SGSM1: variants seen among roughly 807,000 people sequenced by gnomAD.
SGSM1 encodes small G protein signaling modulator 1, also known as RUN and TBC1 domain containing 2.
SGSM1 carries 73 observed loss-of-function variants against 133.8 expected under a neutral mutation model. That is an observed-to-expected ratio of 0.55 (90% CI 0.45 to 0.66). The LOEUF (loss-of-function observed/expected upper bound fraction) is 0.66, where lower values mean the gene tolerates loss of function less well. Ranked by LOEUF, SGSM1 falls within the 30% of genes least tolerant of loss-of-function variation. The pLI is 0.00. For missense variants in SGSM1, 1,213 were observed against 1,448.1 expected (o/e 0.84, Z 2.64); for synonymous variants, 563 against 573.0 (o/e 0.98, Z 0.25).
At chr22:24,894,292 C>T (rs1485407998) in intron 17 of SGSM1, among the ~76,000 whole-genome samples, 1 of 152,172 alleles carries the variant, frequency 6.6e-6, no homozygotes, top group African/African-American at 2.4e-5. Flanking sequence ...ACTTGAGAGG[C>T]CGAGGCAGGA....
rs557125362 is a variant in SGSM1, at chr22:24,868,324, C to T, written c.995-52C>T. 60 of 1,567,014 alleles carry T rather than the reference C, an allele frequency of 3.8e-5. No homozygotes were observed. In the African/African-American group the frequency reaches 3.9e-4, roughly 10 times the overall value. On this transcript the variant is annotated intron_variant, in intron 10 of 24. Coordinates refer to ENST00000400358, the MANE Select transcript of SGSM1 (RefSeq NM_001098497.3). Reference sequence around the variant, plus strand: ...TGTGCTTGCAGGAAGGGGCTGTCACCGTGCCTCATAGTGACTTCCACTGGG... The same window carrying T: ...TGTGCTTGCAGGAAGGGGCTGTCACTGTGCCTCATAGTGACTTCCACTGGG...
In SGSM1 at chr22:24,879,017, G is replaced by T. The variant is rs540104640; in HGVS notation, c.1431-445G>T. On this transcript the variant is annotated intron_variant, in intron 13 of 24. Transcript: ENST00000400358. The stretch of plus-strand genomic sequence containing the variant: ...ATGATGGTTCCATCCTCAGACAGGT[G>T]CTTCCTATGCAGTGGCAAAGATGGC... 2.7e-4 allele frequency among the ~76,000 whole-genome samples: 41 copies of T among 152,304 alleles called. No homozygotes were observed. The South Asian group carries it at 3.7e-3, about 14-fold the overall frequency.
rs1934132994 is a variant in SGSM1, at chr22:24,924,594, C to T, written c.*320C>T. 2 of 382,268 alleles carry T rather than the reference C, an allele frequency of 5.2e-6. No homozygotes were observed. The highest frequency in any genetic ancestry group is 9.7e-6 in the Non-Finnish European group (2 of 205,218). 23.7% of individuals were successfully genotyped at this position (382,268 alleles called of 1,614,324 possible). A position where few individuals can be genotyped will look rare whatever the true frequency, so the allele number is the denominator to read the frequency against. ...CTGGTGCCCGGAATGGTCTCCTCTT[C>T]TTCTTTCCCTATCCCTCCAAACTGT... On this transcript the variant is annotated 3_prime_UTR_variant, in exon 25 of 25. Coordinates refer to ENST00000400358, the MANE Select transcript of SGSM1 (RefSeq NM_001098497.3).
intron 8 of SGSM1, 72 bp from the exon 9 acceptor site, chr22:24,859,644 C>T: frequency 6.3e-7 from 1 of 1,599,212 alleles, no homozygotes; most frequent in Non-Finnish European, 8.5e-7. Flanking sequence ...GTTCTTAAAT[C>T]AAACGGGCCA....
intron 10 of SGSM1, among the ~76,000 whole-genome samples, chr22:24,867,362 A>G (rs1189253080): frequency 3.3e-5 from 5 of 152,222 alleles, no homozygotes; most frequent in African/African-American, 9.6e-5. Flanking sequence ...GGACCCTCTC[A>G]TGGGGTAGTT....
chr22:24,881,275 T>C lies in SGSM1; in HGVS notation c.1495+1749T>C, dbSNP rs1174148830. Reference sequence around the variant, plus strand: ...GGGGAGAATGGGATGAGTTAAGTTATGCAACTCTGGGCCGGGCGTGGTGGC... The same window carrying C: ...GGGGAGAATGGGATGAGTTAAGTTACGCAACTCTGGGCCGGGCGTGGTGGC... On this transcript the variant is annotated intron_variant, in intron 14 of 24. Transcript: ENST00000400358. 2.1e-5 allele frequency among the ~76,000 whole-genome samples: 3 copies of C among 143,314 alleles called. 1 individual carries two copies. The East Asian group carries it at 6.3e-4, about 30-fold the overall frequency. The allele number at this position is 143,314 out of a possible 152,430, so 94.0% of individuals were successfully genotyped here.
chr22:24,852,293 A>G (rs961744673), intron 5 of SGSM1, among the ~76,000 whole-genome samples: 5 of 152,190 alleles, frequency 3.3e-5, no homozygotes, highest in South Asian at 2.1e-4. Context: ...ATACAGTTCT[A>G]TGAAACTTTT....
chr22:24,873,860 A>T (rs1931887625), intron 12 of SGSM1, among the ~76,000 whole-genome samples: 1 of 152,104 alleles, frequency 6.6e-6, no homozygotes, highest in African/African-American at 2.4e-5. Context: ...CTCAGAAAAA[A>T]AAAAAAGTCA....
chr22:24,839,163 C>A (rs919021361), intron 2 of SGSM1, among the ~76,000 whole-genome samples: 1 of 152,156 alleles, frequency 6.6e-6, no homozygotes, highest in African/African-American at 2.4e-5. Flanking sequence ...TCAAGCTATC[C>A]TCCCACCTCA....
At chr22:24,822,088 C>CTCTCTTTTTTTTTTTTTTTT (rs1555920070) in intron 2 of SGSM1, among the ~76,000 whole-genome samples, 1 of 96,128 alleles carries the variant, frequency 1.0e-5, no homozygotes, top group Non-Finnish European at 2.0e-5. Flanking sequence ...TCATCTCTCT[C>CTCTCTTTTTTTTTTTTTTTT]TTTTTTTTTT....
At chr22:24,833,294 C>T (rs1929226315) in intron 2 of SGSM1, among the ~76,000 whole-genome samples, 1 of 152,038 alleles carries the variant, frequency 6.6e-6, no homozygotes, top group African/African-American at 2.4e-5. Context: ...CTAATGACCT[C>T]ATTTTAACTT....
chr22:24,831,676 C>T (rs1367693460), intron 2 of SGSM1, among the ~76,000 whole-genome samples: 1 of 152,216 alleles, frequency 6.6e-6, no homozygotes, highest in African/African-American at 2.4e-5. Flanking sequence ...CCTTCCTCAA[C>T]TCCAAAACAA....
intron 24 of SGSM1, among the ~76,000 whole-genome samples, chr22:24,922,615 A>G (rs1288778448): frequency 6.7e-6 from 1 of 148,892 alleles, no homozygotes; most frequent in Non-Finnish European, 1.5e-5. Flanking sequence ...AGCTGGGACT[A>G]CAGGCATCCA....
intron 20 of SGSM1, among the ~76,000 whole-genome samples, chr22:24,903,707 A>G (rs1229795941): frequency 6.6e-6 from 1 of 152,166 alleles, no homozygotes; most frequent in Non-Finnish European, 1.5e-5. Context: ...TAAAGAAACC[A>G]TAGGCTGGGC....
chr22:24,911,494 CT>C (rs1327833626), intron 21 of SGSM1, among the ~76,000 whole-genome samples: 1 of 152,002 alleles, frequency 6.6e-6, no homozygotes, highest in Non-Finnish European at 1.5e-5. Context: ...CACATAGTGA[CT>C]TGTTTCCAAA....
chr22:24,923,151 A>C (rs1463575549), intron 24 of SGSM1, among the ~76,000 whole-genome samples: 2 of 152,142 alleles, frequency 1.3e-5, no homozygotes, highest in Admixed American at 1.3e-4. Flanking sequence ...AAAGAAAAAA[A>C]AAGAAGAAAG....
intron 18 of SGSM1, among the ~76,000 whole-genome samples, chr22:24,895,760 A>G (rs1932899660): frequency 6.6e-6 from 1 of 152,192 alleles, no homozygotes; most frequent in African/African-American, 2.4e-5. Context: ...TAAAGAAAAA[A>G]GCTGGCTGGG....
chr22:24,916,792 T>A (rs953397653), intron 22 of SGSM1, among the ~76,000 whole-genome samples: 5 of 152,194 alleles, frequency 3.3e-5, no homozygotes, highest in Non-Finnish European at 5.9e-5. Context: ...TTGATGGACA[T>A]TTGAGTTGTT....
chr22:24,806,870 G>C (rs1269010165), intron 2 of SGSM1, among the ~76,000 whole-genome samples: 1 of 152,088 alleles, frequency 6.6e-6, no homozygotes, highest in Non-Finnish European at 1.5e-5. Flanking sequence ...GTGTGCTGGA[G>C]GAGGGGCTCT....
Sources: allele counts gnomAD v4.1 joint callset (sites outside exome capture counted in the v4.1 genomes callset), GRCh38; gene constraint gnomAD v4.1.1; transcripts MANE v1.5; gene names NCBI Gene and HGNC (gene_info 2026-07-23, HGNC 2026-07-21).